Variants in ADAMTSL1 observed in about 807,000 individuals in gnomAD.
The protein encoded by ADAMTSL1 is ADAMTS like 1, also known as ADAMTS-like protein 1.
ADAMTSL1 carries 126 observed loss-of-function variants against 201.8 expected under a neutral mutation model. The ratio of observed to expected loss-of-function variants is 0.62; its 90% CI spans 0.54 to 0.72. The LOEUF (loss-of-function observed/expected upper bound fraction) is 0.72, where lower values mean the gene tolerates loss of function less well. ADAMTSL1 is among the 30% of genes least tolerant of loss of function. The pLI, the probability that ADAMTSL1 is intolerant of heterozygous loss-of-function variation, is 0.00. For missense variants in ADAMTSL1, 2,679 were observed against 2,277.8 expected, an observed-to-expected ratio of 1.18 and a Z score of -3.59; for synonymous variants, 1,121 against 903.4, an observed-to-expected ratio of 1.24 and a Z score of -4.32.
chr9:18,428,530 G>A (rs1447573124), intron 2 of ADAMTSL1, among the ~76,000 whole-genome samples: 2 of 151,988 alleles, frequency 1.3e-5, no homozygotes, highest in Non-Finnish European at 2.9e-5. Flanking sequence ...TGAGATGGGA[G>A]AATTGTGTGA....
intron 1 of ADAMTSL1, among the ~76,000 whole-genome samples, chr9:18,010,714 G>A (rs944225640): frequency 2.0e-5 from 3 of 151,958 alleles, no homozygotes; most frequent in African/African-American, 7.2e-5. Context: ...GGACATGCAG[G>A]CCTAGATTTG....
chr9:18,160,411 T>C (rs1429739368), intron 1 of ADAMTSL1, among the ~76,000 whole-genome samples: 1 of 152,006 alleles, frequency 6.6e-6, no homozygotes, highest in South Asian at 2.1e-4. Flanking sequence ...CTCTGGCCCC[T>C]AATCCTAACA....
intron 1 of ADAMTSL1, among the ~76,000 whole-genome samples, chr9:18,132,138 C>T (rs1458550173): frequency 1.3e-5 from 2 of 152,100 alleles, no homozygotes; most frequent in African/African-American, 2.4e-5. Context: ...CATTTTCCCC[C>T]ACCAAACAAG....
chr9:18,124,088 T>TTG (rs1554701054), intron 1 of ADAMTSL1, among the ~76,000 whole-genome samples: 2 of 144,610 alleles, frequency 1.4e-5, no homozygotes, highest in Non-Finnish European at 3.0e-5. Context: ...TTTTTTTTTT[T>TTG]TTTTTTTTTT....
intron 2 of ADAMTSL1, among the ~76,000 whole-genome samples, chr9:18,234,766 T>G (rs894860215): frequency 6.6e-6 from 1 of 152,230 alleles, no homozygotes; most frequent in Non-Finnish European, 1.5e-5. Context: ...ATGCCTCCTA[T>G]GGATGTTTCA....
rs1236337480 is a variant in ADAMTSL1, at chr9:18,014,804, A to C, written c.87+107882A>C. On this transcript the variant is annotated intron_variant, in intron 1 of 29. Coordinates refer to the ADAMTSL1 transcript ENST00000680146. ...GGTGTCAGCTGGTGTATCCAAATAC[A>C]TCAGAACTGTCTTCTCTGAGTTTCA... is the stretch of plus-strand genomic sequence containing the variant. Among the ~76,000 whole-genome samples, 5 of 152,136 alleles carry C rather than the reference A, an allele frequency of 3.3e-5. No homozygotes were observed. The East Asian group carries it at 9.8e-4, about 30-fold the overall frequency.
chr9:18,903,780 C>G (rs1210065666), intron 26 of ADAMTSL1, among the ~76,000 whole-genome samples: 2 of 151,852 alleles, frequency 1.3e-5, no homozygotes, highest in Non-Finnish European at 2.9e-5. Flanking sequence ...TGCAGTCAAT[C>G]TCACAGAACC....
At chr9:18,639,912 G>A (rs1827338637) in intron 7 of ADAMTSL1, among the ~76,000 whole-genome samples, 1 of 152,070 alleles carries the variant, frequency 6.6e-6, no homozygotes, top group South Asian at 2.1e-4. Flanking sequence ...ACACATTGCT[G>A]GAAGCAACAT....
intron 1 of ADAMTSL1, 132 bp downstream of exon 1, chr9:18,474,427 C>A: frequency 1.1e-6 from 1 of 911,736 alleles, no homozygotes; most frequent in Non-Finnish European, 1.7e-6. Flanking sequence ...ATAATTTACA[C>A]GATTACAAAG....
intron 13 of ADAMTSL1, among the ~76,000 whole-genome samples, chr9:18,696,528 A>C (rs1831560063): frequency 6.6e-6 from 1 of 152,228 alleles, no homozygotes; most frequent in Non-Finnish European, 1.5e-5. Context: ...CCCTAGCTAC[A>C]TCATTAAGAA....
intron 1 of ADAMTSL1, among the ~76,000 whole-genome samples, chr9:18,141,507 A>G (rs193188280): frequency 3.9e-5 from 6 of 152,264 alleles, no homozygotes; most frequent in African/African-American, 1.4e-4. Context: ...TGGAGAAATG[A>G]GAGCCCCCTC....
chr9:18,554,029 T>C (rs903109700), intron 3 of ADAMTSL1, among the ~76,000 whole-genome samples: 5 of 151,906 alleles, frequency 3.3e-5, no homozygotes, highest in African/African-American at 7.2e-5. Flanking sequence ...TCTTTGTCTC[T>C]CTATATTGTA....
At chr9:18,646,020 A>G (rs1193157692) in intron 7 of ADAMTSL1, among the ~76,000 whole-genome samples, 1 of 152,172 alleles carries the variant, frequency 6.6e-6, no homozygotes, top group African/African-American at 2.4e-5. Context: ...CCTATCCATG[A>G]GCATAGAATG....
intron 20 of ADAMTSL1, among the ~76,000 whole-genome samples, chr9:18,795,817 A>C (rs1192426746): frequency 6.6e-6 from 1 of 152,250 alleles, no homozygotes; most frequent in Non-Finnish European, 1.5e-5. Context: ...TAATGTGAGC[A>C]AAGGTGATGT....
chr9:18,846,754 G>GA (rs1399107059), intron 23 of ADAMTSL1, among the ~76,000 whole-genome samples: 24 of 152,110 alleles, frequency 1.6e-4, no homozygotes, highest in Admixed American at 1.4e-3. Context: ...TACAGAGGTG[G>GA]AAAAAAATGG....
intron 2 of ADAMTSL1, among the ~76,000 whole-genome samples, chr9:18,204,191 A>T (rs1037904218): frequency 1.3e-5 from 2 of 152,100 alleles, no homozygotes; most frequent in African/African-American, 2.4e-5. Flanking sequence ...TCCAAATCTC[A>T]TCTTGAATTA....
intron 4 of ADAMTSL1, among the ~76,000 whole-genome samples, chr9:18,574,878 T>C (rs1822609374): frequency 6.6e-6 from 1 of 152,178 alleles, no homozygotes; most frequent in Non-Finnish European, 1.5e-5. Flanking sequence ...AGGTAGGGAA[T>C]TAGTAAGGTG....
chr9:18,769,263 C>T (rs2133707908), intron 16 of ADAMTSL1, among the ~76,000 whole-genome samples: 1 of 152,332 alleles, frequency 6.6e-6, no homozygotes, highest in Non-Finnish European at 1.5e-5. Context: ...GAGAGGGGCA[C>T]TCCTCCAGCA....
At chr9:17,981,606 C>T (rs1002921292) in intron 1 of ADAMTSL1, among the ~76,000 whole-genome samples, 2 of 152,162 alleles carry the variant, frequency 1.3e-5, no homozygotes, top group Non-Finnish European at 2.9e-5. Flanking sequence ...AGAGATTTTG[C>T]GTTTTCTTCT....
Sources: allele counts gnomAD v4.1 joint callset (sites outside exome capture counted in the v4.1 genomes callset), GRCh38; gene constraint gnomAD v4.1.1; transcripts MANE v1.5; gene names NCBI Gene and HGNC (gene_info 2026-07-23, HGNC 2026-07-21).